The following TRPA1 variants were observed in gnomAD, a reference collection of about 807,000 sequenced individuals.
The protein encoded by TRPA1 is ankyrin-like with transmembrane domains 1.
A neutral mutation model predicts 131.3 loss-of-function variants in TRPA1; 129 were observed. The observed-to-expected ratio is 0.98, with a 90% CI of 0.85 to 1.14. TRPA1 has a LOEUF of 1.14. Ranked by LOEUF, TRPA1 falls within the 50% of genes most tolerant of loss-of-function variation. The pLI is 0.00. For synonymous variants in TRPA1, 441 were observed against 451.7 expected (o/e 0.98, Z 0.30); for missense variants, 1,304 against 1,354.2 (o/e 0.96, Z 0.58).
the TRPA1 span, among the ~76,000 whole-genome samples, chr8:72,083,724 C>T: frequency 1.3e-5 from 2 of 152,008 alleles, no homozygotes; most frequent in Admixed American, 6.6e-5. Flanking sequence ...GCAGGGGTGA[C>T]AGAGCGAGAC....
At chr8:72,079,134 A>G (rs1806242354), upstream of TRPA1, among the ~76,000 whole-genome samples, 1 of 151,992 alleles carries the variant, frequency 6.6e-6, no homozygotes, top group African/African-American at 2.4e-5. Context: ...TTTATTCTAA[A>G]TATAACTCTT....
chr8:72,062,692 T>G, intron 6 of TRPA1, 107 bp downstream of exon 6: 1 of 1,132,312 alleles, frequency 8.8e-7, no homozygotes, highest in Non-Finnish European at 1.3e-6. Flanking sequence ...AAATATGTAT[T>G]TCTTGTATGT....
intron 3 of TRPA1, among the ~76,000 whole-genome samples, chr8:72,066,402 T>C (rs1805933005): frequency 6.6e-6 from 1 of 152,238 alleles, no homozygotes; most frequent in Non-Finnish European, 1.5e-5. Flanking sequence ...TGATAAATGA[T>C]GACATGTCCT....
chr8:72,082,150 A>T, the TRPA1 span, among the ~76,000 whole-genome samples: 1 of 152,060 alleles, frequency 6.6e-6, no homozygotes, highest in South Asian at 2.1e-4. Context: ...TTATTTTCAT[A>T]GTATAGTGAT....
At chr8:72,074,673 T>C (rs1303811102) in intron 1 of TRPA1, among the ~76,000 whole-genome samples, 2 of 152,142 alleles carry the variant, frequency 1.3e-5, no homozygotes, top group Admixed American at 6.5e-5. Context: ...GATAACTGCA[T>C]AAGTAATAGA....
intron 12 of TRPA1, chr8:72,054,633 G>A (rs1041959268): frequency 3.9e-5 from 6 of 152,210 alleles, no homozygotes; most frequent in Admixed American, 2.0e-4. Flanking sequence ...GGTCTACTTC[G>A]GTCCCCTTTG....
In TRPA1 at chr8:72,055,679, C is replaced by A. The variant is rs1360034878; in HGVS notation, c.1364+7G>T. On this transcript the variant is annotated splice_region_variant and intron_variant, in intron 11 of 26. Transcript: ENST00000262209. ...ACATGTTCATACATTGCTAGACTGACCCTTACCTGGCTGCAAAATGCAGAG... is the reference window on the plus strand; with the variant it reads ...ACATGTTCATACATTGCTAGACTGAACCTTACCTGGCTGCAAAATGCAGAG... The A allele has an allele frequency of 1.9e-6, 3 of 1,613,528 alleles. No homozygotes were observed. The highest frequency in any genetic ancestry group is 2.5e-6 in the Non-Finnish European group (3 of 1,179,716).
At chr8:72,087,601 G>A in the TRPA1 span, among the ~76,000 whole-genome samples, 2 of 146,752 alleles carry the variant, frequency 1.4e-5, no homozygotes, top group African/African-American at 2.5e-5. Context: ...TCAGCCCACT[G>A]TTTTGTTTTT....
At position 72,058,159 on chromosome 8, in the gene TRPA1, G is replaced by A. The variant is rs181695259; in HGVS notation, c.994-343C>T. ...CCACTGCAAGAAATAATTTTTAAATGTCTATAATTTTAAAACTCTCCCAAA... is the reference window on the plus strand; with the variant it reads ...CCACTGCAAGAAATAATTTTTAAATATCTATAATTTTAAAACTCTCCCAAA... On this transcript the variant is annotated intron_variant, in intron 8 of 26. Coordinates refer to ENST00000262209, the MANE Select transcript of TRPA1 (RefSeq NM_007332.3). Among the ~76,000 whole-genome samples the A allele has an allele frequency of 3.9e-5, 6 of 152,128 alleles. No homozygotes were observed. In the East Asian group the frequency reaches 9.7e-4, roughly 24 times the overall value.
intron 17 of TRPA1, among the ~76,000 whole-genome samples, chr8:72,042,612 A>G (rs1210569657): frequency 1.3e-5 from 2 of 151,916 alleles, no homozygotes; most frequent in Non-Finnish European, 2.9e-5. Flanking sequence ...TATTTGTATA[A>G]TAATGCTATA....
At position 72,075,286 on chromosome 8, in the gene TRPA1, G is replaced by A. The variant is rs754263668; in HGVS notation, c.111+13C>T. The A allele has an allele frequency of 3.1e-6, 5 of 1,604,916 alleles. No individual in the cohort carries two copies. Among genetic ancestry groups the A allele is most frequent in the Non-Finnish European group, 4.3e-6 (5 of 1,172,422 alleles). ...CGTCGGAACCCCTCCAGACCCGCGAGCCCCCAGAGTACCTTAAGCGATTCC... is the reference window on the plus strand; with the variant it reads ...CGTCGGAACCCCTCCAGACCCGCGAACCCCCAGAGTACCTTAAGCGATTCC... On this transcript the variant is annotated intron_variant, in intron 1 of 26. Coordinates refer to ENST00000262209, the MANE Select transcript of TRPA1 (RefSeq NM_007332.3).
At chr8:72,087,602 TTTTG>T in the TRPA1 span, among the ~76,000 whole-genome samples, 110 of 147,454 alleles carry the variant, frequency 7.5e-4, 1 homozygote, top group East Asian at 0.021. Flanking sequence ...CAGCCCACTG[TTTTG>T]TTTTTCAGTT....
At position 72,040,612 on chromosome 8, in the gene TRPA1, G is replaced by T. The variant is rs140099202; in HGVS notation, c.2062-815C>A. 3.9e-3 allele frequency among the ~76,000 whole-genome samples: 590 copies of T among 152,152 alleles called. 3 individuals are homozygous for T. The highest frequency in any genetic ancestry group is 0.013 in the African/African-American group (552 of 41,540). On this transcript the variant is annotated intron_variant, in intron 17 of 26. Coordinates refer to ENST00000262209, the MANE Select transcript of TRPA1 (RefSeq NM_007332.3). ...ATCCACTAACTTCTGACTTCTAAGG[G>T]GCTGCCCAAGGGAATGATTTTTATC...
intron 9 of TRPA1, among the ~76,000 whole-genome samples, chr8:72,057,227 G>A (rs1357072203): frequency 6.6e-6 from 1 of 151,946 alleles, no homozygotes; most frequent in Non-Finnish European, 1.5e-5. Flanking sequence ...GTGTAAGTGG[G>A]GTAGAAAATA....
intron 16 of TRPA1, 144 bp from the exon 17 acceptor site, chr8:72,046,752 T>C (rs1341431701): frequency 1.8e-6 from 1 of 565,684 alleles, no homozygotes; most frequent in Non-Finnish European, 3.1e-6. Flanking sequence ...TTATTTCAAG[T>C]GGAGAAAGGA....
At chr8:72,065,093 G>C (rs1805899954) in intron 4 of TRPA1, among the ~76,000 whole-genome samples, 1 of 152,136 alleles carries the variant, frequency 6.6e-6, no homozygotes, top group African/African-American at 2.4e-5. Context: ...CTATTCAGAA[G>C]CTCAGAATCA....
At chr8:72,032,240 A>T (rs1366213432) in intron 23 of TRPA1, among the ~76,000 whole-genome samples, 1 of 152,206 alleles carries the variant, frequency 6.6e-6, no homozygotes, top group African/African-American at 2.4e-5. Flanking sequence ...AAAGCCACTG[A>T]TGTGTTCAGT....
Position 72,069,098 on chromosome 8 carries a change from G to A in TRPA1, c.369C>T (p.Asn123=), listed in dbSNP as rs773089124. 9 of 1,614,172 alleles carry A rather than the reference G, an allele frequency of 5.6e-6. No individual in the cohort carries two copies. Among genetic ancestry groups the A allele is most frequent in the African/African-American group, 1.3e-5 (1 of 75,032 alleles). The part of the protein sequence containing the change: ...SVKFLLSRGA[N]PNLRNFNMMA... Reference sequence around the variant, plus strand: ...TCATGTTGAAGTTTCGGAGATTTGGGTTTGCTCCTCTGCTGAGAAGAAACT... The same window carrying A: ...TCATGTTGAAGTTTCGGAGATTTGGATTTGCTCCTCTGCTGAGAAGAAACT... The change falls in exon 3 of 27, where the codon AAC becomes AAT. Residue 123 remains asparagine (N), a synonymous_variant. Transcript: ENST00000262209.
chr8:72,064,599 C>T (rs1805885815), intron 4 of TRPA1, among the ~76,000 whole-genome samples: 2 of 151,840 alleles, frequency 1.3e-5, no homozygotes, highest in South Asian at 4.2e-4. Context: ...ATCTCTAAGT[C>T]CATCTAGTAA....
Sources: gnomAD v4.1 joint callset for allele counts (sites outside exome capture counted in the v4.1 genomes callset) on GRCh38, gnomAD v4.1.1 for gene constraint, MANE v1.5 for transcripts, NCBI Gene and HGNC (gene_info 2026-07-23, HGNC 2026-07-21) for gene names.